TXNDC16: variants seen among roughly 807,000 people sequenced by gnomAD.
TXNDC16 encodes thioredoxin domain-containing protein 16.
Under a neutral mutation model 85.6 loss-of-function variants are expected in TXNDC16, and 74 were observed. The ratio of observed to expected loss-of-function variants is 0.86; its 90% CI spans 0.72 to 1.05. The LOEUF (loss-of-function observed/expected upper bound fraction) is 1.05. Ranked by LOEUF, TXNDC16 falls within the 50% of genes least tolerant of loss-of-function variation. The pLI is 0.00. For missense variants in TXNDC16, 959 were observed against 947.0 expected (o/e 1.01, Z -0.17); for synonymous variants, 335 against 326.5 (o/e 1.03, Z -0.28).
intron 20 of TXNDC16, among the ~76,000 whole-genome samples, chr14:52,436,289 C>T (rs78302892): frequency 0.012 from 1,825 of 152,208 alleles, 36 homozygotes; most frequent in African/African-American, 0.04. Context: ...TCCTTGAAAA[C>T]CTTATGATAA....
chr14:52,540,232 A>G (rs1369126871), intron 4 of TXNDC16, among the ~76,000 whole-genome samples: 1 of 152,136 alleles, frequency 6.6e-6, no homozygotes, highest in East Asian at 1.9e-4. Flanking sequence ...GCCTCTTGCT[A>G]TCTTCTGAAA....
At chr14:52,509,414 T>A (rs897038630) in intron 9 of TXNDC16, among the ~76,000 whole-genome samples, 1 of 152,006 alleles carries the variant, frequency 6.6e-6, no homozygotes, top group Non-Finnish European at 1.5e-5. Flanking sequence ...CTCTGCTCTA[T>A]GCTAGAATGG....
At chr14:52,533,791 G>A (rs865889226) in intron 6 of TXNDC16, among the ~76,000 whole-genome samples, 3 of 152,172 alleles carry the variant, frequency 2.0e-5, no homozygotes, top group African/African-American at 7.2e-5. Context: ...ATGGACCCAT[G>A]GACTTGAGGG....
chr14:52,548,090 C>T (rs2037975754), intron 1 of TXNDC16, among the ~76,000 whole-genome samples: 1 of 152,182 alleles, frequency 6.6e-6, no homozygotes, highest in Non-Finnish European at 1.5e-5. Context: ...CAAAATTAGG[C>T]CTTGTCTGTC....
chr14:52,461,761 C>T (rs952240537), intron 16 of TXNDC16, among the ~76,000 whole-genome samples: 6 of 152,238 alleles, frequency 3.9e-5, no homozygotes, highest in Admixed American at 1.3e-4. Flanking sequence ...TAAGCATTGA[C>T]GACATGCCTC....
chr14:52,547,964 G>C (rs2037973457), intron 1 of TXNDC16, among the ~76,000 whole-genome samples: 1 of 152,224 alleles, frequency 6.6e-6, no homozygotes, highest in South Asian at 2.1e-4. Flanking sequence ...GTATGGCCAT[G>C]ACTTGGCCAA....
intron 1 of TXNDC16, among the ~76,000 whole-genome samples, chr14:52,548,690 T>A (rs756238694): frequency 1.3e-5 from 2 of 152,064 alleles, no homozygotes; most frequent in African/African-American, 2.4e-5. Context: ...GAGACCAGCC[T>A]GGCCAACATG....
intron 8 of TXNDC16, among the ~76,000 whole-genome samples, chr14:52,513,692 C>T (rs1200801966): frequency 1.3e-5 from 2 of 151,056 alleles, no homozygotes; most frequent in African/African-American, 4.9e-5. Flanking sequence ...AGTATATATA[C>T]ACATATATAT....
intron 9 of TXNDC16, among the ~76,000 whole-genome samples, chr14:52,492,206 G>A (rs2036423559): frequency 6.6e-6 from 1 of 152,104 alleles, no homozygotes; most frequent in Admixed American, 6.5e-5. Context: ...ATGTTGAGAC[G>A]TTCCCCTCAC....
chr14:52,492,726 G>A (rs1012040489), intron 9 of TXNDC16, among the ~76,000 whole-genome samples: 1 of 152,158 alleles, frequency 6.6e-6, no homozygotes, highest in African/African-American at 2.4e-5. Context: ...GATGGTCTGT[G>A]CAGATCAGAC....
chr14:52,484,203 G>C (rs564970656), intron 12 of TXNDC16, among the ~76,000 whole-genome samples: 2,033 of 150,782 alleles, frequency 0.013, 47 homozygotes, highest in African/African-American at 0.046. Context: ...CAATAAGGGG[G>C]GGGGGTGATT....
At chr14:52,544,909 C>T (rs1404371698) in intron 1 of TXNDC16, among the ~76,000 whole-genome samples, 3 of 152,032 alleles carry the variant, frequency 2.0e-5, no homozygotes, top group Non-Finnish European at 2.9e-5. Flanking sequence ...GTATCATTGA[C>T]ATTAAAATTG....
chr14:52,485,899 C>T (rs867671049), intron 12 of TXNDC16, among the ~76,000 whole-genome samples: 35 of 152,164 alleles, frequency 2.3e-4, no homozygotes, highest in African/African-American at 8.2e-4. Flanking sequence ...AATTCTAGAT[C>T]TGGATTTCAC....
chr14:52,519,081 G>T (rs74053513), intron 7 of TXNDC16, 91 bp downstream of exon 7: 3 of 1,261,252 alleles, frequency 2.4e-6, no homozygotes, highest in Non-Finnish European at 3.3e-6. Context: ...TAAATATTAC[G>T]ACTGTAGTCA....
chr14:52,516,288 A>C (rs2037081519), intron 7 of TXNDC16, among the ~76,000 whole-genome samples: 1 of 152,168 alleles, frequency 6.6e-6, no homozygotes, highest in Non-Finnish European at 1.5e-5. Flanking sequence ...TGAATAGACA[A>C]CTTTTGCAGT....
At chr14:52,488,252 CAG>C (rs1490879006) in intron 12 of TXNDC16, 109 bp downstream of exon 12, 3 of 1,329,202 alleles carry the variant, frequency 2.3e-6, no homozygotes, top group African/African-American at 3.0e-5. Flanking sequence ...GGTTTCTTTA[CAG>C]AGTCTTGAAT....
chr14:52,433,905 A>G (rs975643675), intron 20 of TXNDC16, among the ~76,000 whole-genome samples: 4 of 152,216 alleles, frequency 2.6e-5, no homozygotes, highest in Non-Finnish European at 5.9e-5. Flanking sequence ...TAGGCTGGGC[A>G]TGGTGGCTCA....
At chr14:52,529,551 A>T (rs35296895) in intron 6 of TXNDC16, among the ~76,000 whole-genome samples, 15,702 of 59,116 alleles carry the variant, frequency 0.27, 4,142 homozygotes, top group East Asian at 0.61. Flanking sequence ...ATTATATATA[A>T]TATATATAAT....
chr14:52,450,851 TTTTATA>T (rs1379515885), intron 18 of TXNDC16, among the ~76,000 whole-genome samples: 5 of 32,084 alleles, frequency 1.6e-4, no homozygotes, highest in Non-Finnish European at 2.7e-4. Flanking sequence ...AGAAAATGTG[TTTTATA>T]TATATATATA....
Sources: gnomAD v4.1 joint callset for allele counts (sites outside exome capture counted in the v4.1 genomes callset) on GRCh38, gnomAD v4.1.1 for gene constraint, MANE v1.5 for transcripts, NCBI Gene and HGNC (gene_info 2026-07-23, HGNC 2026-07-21) for gene names.